Variants in DTX2 observed in about 807,000 individuals in gnomAD.
DTX2 encodes probable E3 ubiquitin-protein ligase DTX2.
A neutral mutation model predicts 55.3 loss-of-function variants in DTX2; 29 were observed. The ratio of observed to expected loss-of-function variants is 0.52; its 90% CI spans 0.39 to 0.71. The LOEUF (loss-of-function observed/expected upper bound fraction) is 0.71. Among genes scored for constraint, DTX2 ranks in the 30% least tolerant of loss-of-function variants. The pLI is 0.00. For missense variants in DTX2, 537 were observed against 822.5 expected, an observed-to-expected ratio of 0.65 and a Z score of 4.25; for synonymous variants, 276 against 340.4, an observed-to-expected ratio of 0.81 and a Z score of 2.08.
rs1329569080 is a variant in DTX2 at position 76,471,350 on chromosome 7, A to G, written c.-90+7641A>G. On this transcript the variant is annotated intron_variant, in intron 2 of 10. Coordinates refer to ENST00000430490, the MANE Select transcript of DTX2 (RefSeq NM_001102594.3). ...CTAATTTTTTGTATTTTTAGTAGAG[A>G]CAGGGTTTCACCATGTTAGCCACGA... 1.3e-3 allele frequency among the ~76,000 whole-genome samples: 198 copies of G among 148,180 alleles called. 1 individual carries two copies. The highest frequency in any genetic ancestry group is 2.1e-3 in the Non-Finnish European group (141 of 66,772).
rs555222086 is a variant in DTX2, at chr7:76,483,024, A to G, written c.785A>G (p.Asn262Ser). ...LSGARSAPRL[N>S]TTNAWGAAPP... ...GGGGCCCGGTCTGCGCCCAGGCTGA[A>G]CACCACCAACGCCTGGGGCGCAGCT... Residue 262 changes from asparagine to serine, a missense_variant, in exon 4 of 11, where the codon AAC (asparagine) becomes AGC (serine). Physicochemically the swap from Asn to Ser is conservative, Grantham distance 46. Transcript: ENST00000430490. The G allele has an allele frequency of 6.2e-7, 1 of 1,613,486 alleles. No individual in the cohort carries two copies. The highest frequency in any genetic ancestry group is 1.3e-5 in the African/African-American group (1 of 75,012).
rs533349723 is a variant in DTX2 at position 76,505,663 on chromosome 7, G to A, written c.*62G>A. On this transcript the variant is annotated 3_prime_UTR_variant, in exon 11 of 11. Transcript: ENST00000430490. This position sits in a 1 kb window ranked among gnomAD's most constrained non-coding sequence, Gnocchi z 4.4. ...CCGCTGCCCCATGGCTGGCTGGGTGGCCAGGCAGGAAGTGCCCAGCCCGAG... is the reference window on the plus strand; with the variant it reads ...CCGCTGCCCCATGGCTGGCTGGGTGACCAGGCAGGAAGTGCCCAGCCCGAG... 2.0e-6 allele frequency: 3 copies of A among 1,507,092 alleles called. No individual in the cohort carries two copies. In the South Asian group the frequency reaches 3.7e-5, roughly 18 times the overall value. 93.4% of individuals were successfully genotyped at this position (1,507,092 alleles called of 1,614,324 possible). A position where few individuals can be genotyped will look rare whatever the true frequency, so the allele number is the denominator to read the frequency against.
At chr7:76,500,120 C>T (rs532970520) in intron 6 of DTX2, 3 of 344,924 alleles carry the variant, frequency 8.7e-6, no homozygotes, top group African/African-American at 4.6e-5. Context: ...TCAGAAGCGC[C>T]GGGGTCGGTT....
chr7:76,477,587 C>T (rs925630442), intron 2 of DTX2, among the ~76,000 whole-genome samples: 1 of 150,340 alleles, frequency 6.7e-6, no homozygotes, highest in Non-Finnish European at 1.5e-5. Flanking sequence ...CATGGTGGCG[C>T]GTGCCTGTAG....
intron 2 of DTX2, among the ~76,000 whole-genome samples, chr7:76,475,600 C>T (rs1342703910): frequency 8.7e-5 from 12 of 138,252 alleles, no homozygotes; most frequent in East Asian, 2.3e-4. Context: ...AGCAGGAGAA[C>T]TGCTTGAACC....
rs551648374 is a variant in DTX2 at position 76,505,273 on chromosome 7, G to T, written c.1642-101G>T. Reference sequence around the variant, plus strand: ...GGGAGTGGATGAGTCACCTGGGAGGGGCTGGGATGGGAAGAACATGGTGCC... The same window carrying T: ...GGGAGTGGATGAGTCACCTGGGAGGTGCTGGGATGGGAAGAACATGGTGCC... On this transcript the variant is annotated intron_variant, in intron 10 of 10. Transcript: ENST00000430490. The surrounding 1 kb of genome is among the most constrained non-coding windows in gnomAD (Gnocchi z 4.4). 3 of 1,002,792 alleles carry T rather than the reference G, an allele frequency of 3.0e-6. No homozygotes were observed. The Admixed American group carries it at 6.3e-5, about 21-fold the overall frequency. The allele number at this position is 1,002,792 out of a possible 1,614,324, so 62.1% of individuals were successfully genotyped here.
intron 3 of DTX2, among the ~76,000 whole-genome samples, chr7:76,481,098 C>T (rs1388318492): frequency 6.6e-6 from 1 of 152,242 alleles, no homozygotes; most frequent in Non-Finnish European, 1.5e-5. Flanking sequence ...AGGGCCCTGT[C>T]CCACCACTCA....
Position 76,480,713 on chromosome 7 carries a change from A to G in DTX2, c.204A>G (p.Ala68=), listed in dbSNP as rs1467888037. 1.2e-6 allele frequency: 2 copies of G among 1,613,588 alleles called. No individual in the cohort carries two copies. The highest frequency in any genetic ancestry group is 2.7e-5 in the African/African-American group (2 of 75,046). Residue 68 remains alanine (A), a synonymous_variant, in exon 3 of 11, where the codon GCA becomes GCG. Transcript: ENST00000430490. ...SLAHSIPLGQ[A]DPSLAPYIID... is the part of the protein sequence containing the mutation. ...CCCACAGCATCCCCTTGGGCCAGGCAGACCCCTCGCTGGCCCCTTACATTA... is the reference window on the plus strand; with the variant it reads ...CCCACAGCATCCCCTTGGGCCAGGCGGACCCCTCGCTGGCCCCTTACATTA...
intron 7 of DTX2, among the ~76,000 whole-genome samples, chr7:76,500,970 G>A (rs1811597870): frequency 6.6e-6 from 1 of 152,174 alleles, no homozygotes; most frequent in Non-Finnish European, 1.5e-5. Context: ...CCCAGGCTCA[G>A]TGCAGTGGCG....
Position 76,483,300 on chromosome 7 carries a change from C to T in DTX2, c.908+153C>T, listed in dbSNP as rs375142588. 2.6e-4 allele frequency among the ~76,000 whole-genome samples: 40 copies of T among 152,342 alleles called. No homozygotes were observed. In the East Asian group the frequency reaches 3.5e-3, roughly 13 times the overall value. On this transcript the variant is annotated intron_variant, in intron 4 of 10. Coordinates refer to ENST00000430490, the MANE Select transcript of DTX2 (RefSeq NM_001102594.3). ...ATGTGGCATGTGGGTGCCGAGGTGCCGTGGCCATCCAGAGCCTACCTGACC... is the reference window on the plus strand; with the variant it reads ...ATGTGGCATGTGGGTGCCGAGGTGCTGTGGCCATCCAGAGCCTACCTGACC...
chr7:76,474,288 C>G (rs1274350502), intron 2 of DTX2, among the ~76,000 whole-genome samples: 1 of 150,160 alleles, frequency 6.7e-6, no homozygotes, highest in East Asian at 2.0e-4. Context: ...CGCCTGGCCT[C>G]AAGTGGTCCT....
chr7:76,481,004 A>G (rs1334989473), intron 3 of DTX2, among the ~76,000 whole-genome samples: 3 of 152,222 alleles, frequency 2.0e-5, no homozygotes, highest in African/African-American at 7.2e-5. Flanking sequence ...CTTGCAAAGC[A>G]GAAATGCCTG....
rs370007296 is a variant in DTX2, at chr7:76,476,428, G to A, written c.-89-3993G>A. On this transcript the variant is annotated intron_variant, in intron 2 of 10. Coordinates refer to ENST00000430490, the MANE Select transcript of DTX2 (RefSeq NM_001102594.3). ...GGAGCAGAAGGCTCACCCCTCCTTTGGTGTTTCAGAGCCTCTGGGATATTG... is the reference window on the plus strand; with the variant it reads ...GGAGCAGAAGGCTCACCCCTCCTTTAGTGTTTCAGAGCCTCTGGGATATTG... 2.7e-4 allele frequency among the ~76,000 whole-genome samples: 41 copies of A among 151,602 alleles called. 1 individual carries two copies. The East Asian group carries it at 5.8e-3, about 22-fold the overall frequency.
At chr7:76,501,571 C>A in intron 7 of DTX2, among the ~76,000 whole-genome samples, 1 of 151,470 alleles carries the variant, frequency 6.6e-6, no homozygotes. Flanking sequence ...GGCAGCCAGA[C>A]CCCCGAGGGC....
intron 2 of DTX2, among the ~76,000 whole-genome samples, chr7:76,464,936 G>A (rs1807009158): frequency 6.6e-6 from 1 of 150,654 alleles, no homozygotes; most frequent in Non-Finnish European, 1.5e-5. Flanking sequence ...TTGTTGTTTT[G>A]TTTTGTTTGT....
intron 2 of DTX2, among the ~76,000 whole-genome samples, chr7:76,469,221 A>T (rs374755114): frequency 7.9e-6 from 1 of 125,994 alleles, no homozygotes; most frequent in East Asian, 2.2e-4. Flanking sequence ...ATAGGGAGTC[A>T]TGGTAGCTGT....
chr7:76,474,727 C>T (rs1456126760), intron 2 of DTX2: 2 of 152,084 alleles, frequency 1.3e-5, no homozygotes, highest in East Asian at 3.9e-4. Context: ...GCTCACCCGC[C>T]CCGGGGCTCA....
At chr7:76,501,576 G>A (rs1477590679) in intron 7 of DTX2, among the ~76,000 whole-genome samples, 5 of 150,946 alleles carry the variant, frequency 3.3e-5, no homozygotes, top group South Asian at 2.1e-4. Flanking sequence ...CCAGACCCCC[G>A]AGGGCGCGCC....
At chr7:76,482,029 G>C (rs71562436) in intron 3 of DTX2, among the ~76,000 whole-genome samples, 1 of 152,130 alleles carries the variant, frequency 6.6e-6, no homozygotes, top group Non-Finnish European at 1.5e-5. Context: ...GAGTGTCGTA[G>C]AGTCTGTGAA....
Sources: gnomAD v4.1 joint callset for allele counts (sites outside exome capture counted in the v4.1 genomes callset) on GRCh38, gnomAD v4.1.1 for gene constraint, Gnocchi (gnomAD v3.1) non-coding constraint, MANE v1.5 for transcripts, NCBI Gene and HGNC (gene_info 2026-07-23, HGNC 2026-07-21) for gene names.